The following DPF3 variants were observed in gnomAD, a reference collection of about 807,000 sequenced individuals.
The protein encoded by DPF3 is double PHD fingers 3.
DPF3 carries 18 observed loss-of-function variants against 56.8 expected under a neutral mutation model. The observed-to-expected ratio is 0.32, with a 90% CI of 0.22 to 0.47. The LOEUF is 0.47. DPF3 is among the 20% of genes least tolerant of loss of function. The pLI is 1.00. For synonymous variants in DPF3, 188 were observed against 180.2 expected (o/e 1.04, Z -0.35); for missense variants, 403 against 488.8 (o/e 0.82, Z 1.65).
At chr14:72,866,053 A>C (rs1040787272) in intron 1 of DPF3, among the ~76,000 whole-genome samples, 1 of 152,172 alleles carries the variant, frequency 6.6e-6, no homozygotes, top group African/African-American at 2.4e-5. Flanking sequence ...TCTCAGAAAA[A>C]AAATAAAAAA....
At chr14:72,749,641 G>A (rs1272122283) in intron 3 of DPF3, among the ~76,000 whole-genome samples, 4 of 152,208 alleles carry the variant, frequency 2.6e-5, no homozygotes, top group Non-Finnish European at 5.9e-5. Context: ...TTGTGGGAAG[G>A]ACCCGGTGGG....
rs1175315473 is a variant in DPF3 at position 72,753,488 on chromosome 14, C to T, written c.194-117G>A. The T allele has an allele frequency of 7.6e-6, 6 of 792,066 alleles. No individual in the cohort carries two copies. The East Asian group carries it at 1.7e-4, about 23-fold the overall frequency. The allele number at this position is 792,066 out of a possible 1,614,324, so 49.1% of individuals were successfully genotyped here. A position where few individuals can be genotyped will look rare whatever the true frequency, so the allele number is the denominator to read the frequency against. ...GAAGCTGAAGCCCAGAGAGAAGTGA[C>T]TTGTCAACATCACAAAGCTGATTGC... On this transcript the variant is annotated intron_variant, in intron 2 of 10. Coordinates refer to ENST00000556509, the MANE Select transcript of DPF3 (RefSeq NM_001280542.3).
intron 1 of DPF3, among the ~76,000 whole-genome samples, chr14:72,893,417 G>A (rs904603208): frequency 2.0e-5 from 3 of 152,050 alleles, no homozygotes; most frequent in African/African-American, 7.2e-5. Context: ...GGGCTGCCGG[G>A]GAAAGCCCGG....
intron 8 of DPF3, among the ~76,000 whole-genome samples, chr14:72,647,451 AG>A (rs1885760402): frequency 6.6e-6 from 1 of 152,198 alleles, no homozygotes; most frequent in Non-Finnish European, 1.5e-5. Context: ...CATAAACAGG[AG>A]GTCTTAGCTT....
intron 1 of DPF3, among the ~76,000 whole-genome samples, chr14:72,852,869 G>A (rs960865944): frequency 3.3e-5 from 5 of 152,172 alleles, no homozygotes; most frequent in Non-Finnish European, 7.3e-5. Context: ...CCACATGCAA[G>A]TTATAGGTTT....
intron 1 of DPF3, among the ~76,000 whole-genome samples, chr14:72,782,692 G>A (rs1387541949): frequency 6.6e-6 from 1 of 152,172 alleles, no homozygotes; most frequent in Non-Finnish European, 1.5e-5. Flanking sequence ...AATTAGCCAG[G>A]TGTAATGGCG....
chr14:72,665,848 T>TA (rs1886421600), intron 8 of DPF3, among the ~76,000 whole-genome samples: 1 of 152,242 alleles, frequency 6.6e-6, no homozygotes, highest in Non-Finnish European at 1.5e-5. Flanking sequence ...GTGAAGGACA[T>TA]ATGGGAATTC....
intron 9 of DPF3, among the ~76,000 whole-genome samples, chr14:72,624,242 A>C (rs1283069116): frequency 6.6e-6 from 1 of 152,086 alleles, no homozygotes; most frequent in Non-Finnish European, 1.5e-5. Context: ...CTATAGCAGA[A>C]TTACGAAAAT....
chr14:72,740,772 C>T (rs1471834408), intron 3 of DPF3, among the ~76,000 whole-genome samples: 2 of 152,230 alleles, frequency 1.3e-5, no homozygotes, highest in Non-Finnish European at 2.9e-5. Flanking sequence ...CCCAGTTCAT[C>T]TCTGTGCCCT....
At chr14:72,694,047 G>A (rs1160515883) in intron 6 of DPF3, among the ~76,000 whole-genome samples, 2 of 152,210 alleles carry the variant, frequency 1.3e-5, no homozygotes, top group Non-Finnish European at 2.9e-5. Context: ...GCCAAGGGCA[G>A]CGAGCAATCG....
rs148632784 is a variant in DPF3 at position 72,646,706 on chromosome 14, G to A, written c.872-16970C>T. Among the ~76,000 whole-genome samples the A allele has an allele frequency of 2.0e-3, 309 of 152,294 alleles. 3 individuals are homozygous for A. Among genetic ancestry groups the A allele is most frequent in the African/African-American group, 7.3e-3 (302 of 41,542 alleles). On this transcript the variant is annotated intron_variant, in intron 8 of 10. Transcript: ENST00000556509. The stretch of plus-strand genomic sequence containing the variant: ...CTTTTGCCCTCCTTGCCTCCATGCG[G>A]AATTTTTCCTTTGGAGAACAAGGAC...
At chr14:72,768,933 C>CTGTGTGTGTGTG (rs10543093) in intron 2 of DPF3, among the ~76,000 whole-genome samples, 13 of 146,398 alleles carry the variant, frequency 8.9e-5, no homozygotes, top group African/African-American at 2.8e-4. Flanking sequence ...GTGTGAGTGT[C>CTGTGTGTGTGTG]TGTGTGTGTG....
chr14:72,655,710 C>T (rs2107684), intron 8 of DPF3, among the ~76,000 whole-genome samples: 54,590 of 152,136 alleles, frequency 0.36, 10,573 homozygotes, highest in East Asian at 0.69. Flanking sequence ...GACATTGCTT[C>T]AGTGTGAATA....
chr14:72,702,209 T>C (rs889116722), intron 6 of DPF3, among the ~76,000 whole-genome samples: 3 of 141,678 alleles, frequency 2.1e-5, no homozygotes, highest in Non-Finnish European at 4.7e-5. Context: ...CTGACTGGCG[T>C]GGCCTGCTTC....
intron 3 of DPF3, among the ~76,000 whole-genome samples, chr14:72,734,612 T>G (rs1165642446): frequency 6.6e-6 from 1 of 152,180 alleles, no homozygotes; most frequent in East Asian, 1.9e-4. Context: ...ATCCTATTTA[T>G]TAGTGTTATT....
chr14:72,885,993 G>T (rs1342873701), intron 1 of DPF3, among the ~76,000 whole-genome samples: 1 of 152,182 alleles, frequency 6.6e-6, no homozygotes, highest in Non-Finnish European at 1.5e-5. Context: ...TAAGAATGCA[G>T]AATGGTGGTT....
chr14:72,750,804 A>C (rs1240036786), intron 3 of DPF3, among the ~76,000 whole-genome samples: 2 of 150,784 alleles, frequency 1.3e-5, no homozygotes, highest in African/African-American at 2.4e-5. Flanking sequence ...AAAAAAAAAA[A>C]AAAAAAAAAA....
chr14:72,708,825 C>G (rs548823435), intron 6 of DPF3, among the ~76,000 whole-genome samples: 3 of 152,316 alleles, frequency 2.0e-5, no homozygotes, highest in African/African-American at 4.8e-5. Context: ...TTCATGTCCT[C>G]CAGACATCTT....
intron 1 of DPF3, among the ~76,000 whole-genome samples, chr14:72,869,281 T>C (rs1322053054): frequency 1.3e-5 from 2 of 152,228 alleles, no homozygotes; most frequent in African/African-American, 4.8e-5. Context: ...ATTTGTGTGA[T>C]TATATGATTA....
Sources: allele counts gnomAD v4.1 joint callset (sites outside exome capture counted in the v4.1 genomes callset), GRCh38; gene constraint gnomAD v4.1.1; transcripts MANE v1.5; gene names NCBI Gene and HGNC (gene_info 2026-07-23, HGNC 2026-07-21).